Variants in PDZRN4 observed in about 807,000 individuals in gnomAD.
The protein encoded by PDZRN4 is PDZ domain-containing RING finger protein 4.
A neutral mutation model predicts 99.0 loss-of-function variants in PDZRN4; 70 were observed. The observed-to-expected ratio is 0.71, with a 90% CI of 0.58 to 0.86. PDZRN4 has a LOEUF of 0.86. Among genes scored for constraint, PDZRN4 ranks in the 40% least tolerant of loss-of-function variants. The pLI, the probability that PDZRN4 is intolerant of heterozygous loss-of-function variation, is 0.00. For synonymous variants in PDZRN4, 551 were observed against 501.6 expected, an observed-to-expected ratio of 1.10 and a Z score of -1.32; for missense variants, 1,474 against 1,331.2, an observed-to-expected ratio of 1.11 and a Z score of -1.67.
chr12:41,410,913 C>T (rs577736014), intron 3 of PDZRN4, among the ~76,000 whole-genome samples: 2 of 152,038 alleles, frequency 1.3e-5, no homozygotes, highest in Non-Finnish European at 2.9e-5. Context: ...TTTACTGTGT[C>T]ACTCAGGCTG....
chr12:41,302,092 G>A (rs1376557507), intron 3 of PDZRN4, among the ~76,000 whole-genome samples: 1 of 151,880 alleles, frequency 6.6e-6, no homozygotes, highest in African/African-American at 2.4e-5. Flanking sequence ...GTGTGTATAT[G>A]TGTCTGATTA....
intron 3 of PDZRN4, among the ~76,000 whole-genome samples, chr12:41,337,930 G>A (rs1268207851): frequency 1.3e-5 from 2 of 151,522 alleles, no homozygotes; most frequent in African/African-American, 4.8e-5. Context: ...TCTTTTTTTT[G>A]TTTTTGTTTT....
chr12:41,213,386 C>T (rs918962282), intron 3 of PDZRN4, among the ~76,000 whole-genome samples: 1 of 152,010 alleles, frequency 6.6e-6, no homozygotes, highest in Admixed American at 6.6e-5. Flanking sequence ...CGAACAGACT[C>T]TGGGAAGTCG....
chr12:41,243,505 A>G (rs1428808665), intron 3 of PDZRN4, among the ~76,000 whole-genome samples: 2 of 152,238 alleles, frequency 1.3e-5, no homozygotes, highest in Non-Finnish European at 2.9e-5. Flanking sequence ...AGAAGTTATT[A>G]TTCATGCAAG....
chr12:41,273,232 T>G (rs542994943), intron 3 of PDZRN4, among the ~76,000 whole-genome samples: 6 of 152,074 alleles, frequency 3.9e-5, no homozygotes, highest in Admixed American at 1.3e-4. Flanking sequence ...TCTTCCAAAG[T>G]GTTCCTAAAG....
chr12:41,563,729 T>TA, intron 8 of PDZRN4, 80 bp downstream of exon 8: 38 of 908,904 alleles, frequency 4.2e-5, no homozygotes, highest in Non-Finnish European at 6.1e-5. Context: ...GAATGAATTA[T>TA]ATTCATTATC....
intron 3 of PDZRN4, among the ~76,000 whole-genome samples, chr12:41,197,225 A>C (rs1407396408): frequency 1.3e-5 from 2 of 152,090 alleles, no homozygotes; most frequent in Admixed American, 1.3e-4. Flanking sequence ...GACATGTTAA[A>C]GGTTTTGTTC....
rs116826649 is a variant in PDZRN4, at chr12:41,409,758, G to T, written c.844-96698G>T. 1.5e-3 allele frequency: 222 copies of T among 152,262 alleles called. 1 individual carries two copies. The highest frequency in any genetic ancestry group is 4.3e-3 in the African/African-American group (177 of 41,560). The allele number at this position is 152,262 out of a possible 1,614,324, so 9.4% of individuals were successfully genotyped here. On this transcript the variant is annotated intron_variant, in intron 3 of 9. Transcript: ENST00000402685. ...AGAAATTCACCTCATCGCTTTGAAG[G>T]TCAGCCAACTGAAATCAATGTGTCA... is the stretch of plus-strand genomic sequence containing the variant.
At chr12:41,361,891 A>G (rs1163345195) in intron 3 of PDZRN4, among the ~76,000 whole-genome samples, 1 of 151,984 alleles carries the variant, frequency 6.6e-6, no homozygotes, top group Non-Finnish European at 1.5e-5. Flanking sequence ...CTCACAGATG[A>G]TGTAGATTTT....
chr12:41,276,012 T>A (rs1951347851), intron 3 of PDZRN4, among the ~76,000 whole-genome samples: 2 of 152,112 alleles, frequency 1.3e-5, no homozygotes, highest in Admixed American at 1.3e-4. Context: ...TGCTTTTCTA[T>A]CTTGGTAGAT....
chr12:41,570,479 T>C (rs929747420), intron 9 of PDZRN4, among the ~76,000 whole-genome samples: 2 of 152,226 alleles, frequency 1.3e-5, no homozygotes, highest in Non-Finnish European at 1.5e-5. Context: ...ACCTACTTTA[T>C]GGAAAGTTTC....
At chr12:41,455,862 C>T (rs1251630180) in intron 3 of PDZRN4, among the ~76,000 whole-genome samples, 1 of 152,082 alleles carries the variant, frequency 6.6e-6, no homozygotes, top group African/African-American at 2.4e-5. Context: ...TATTACAGGC[C>T]ATTCTCTCAC....
At chr12:41,483,187 T>A (rs934119278) in intron 3 of PDZRN4, among the ~76,000 whole-genome samples, 1 of 152,082 alleles carries the variant, frequency 6.6e-6, no homozygotes. Flanking sequence ...AGATAGTAGG[T>A]GACCTCCACA....
chr12:41,563,643 G>A lies in PDZRN4; in HGVS notation c.1461G>A (p.Glu487=), dbSNP rs1482468390. Residue 487 remains glutamate, a synonymous_variant, in exon 8 of 10, where the codon GAG becomes GAA. Coordinates refer to ENST00000402685, the MANE Select transcript of PDZRN4 (RefSeq NM_001164595.2). ...TCGTGCTGCTTGTTGCAAGGCCAGA[G>A]ATTCAGGTCAGAACAGAGATCAAAA... ...KRIVLLVARP[E]IQLDEGWLED... 10 of 1,610,734 alleles carry A rather than the reference G, an allele frequency of 6.2e-6. No individual in the cohort carries two copies. The highest frequency in any genetic ancestry group is 1.3e-5 in the African/African-American group (1 of 74,934).
chr12:41,542,984 C>A (rs771196164), intron 5 of PDZRN4, among the ~76,000 whole-genome samples: 1 of 151,852 alleles, frequency 6.6e-6, no homozygotes, highest in Non-Finnish European at 1.5e-5. Context: ...TGCATATTGG[C>A]CTCCCTCTCC....
At chr12:41,378,421 G>A (rs1429711980) in intron 3 of PDZRN4, among the ~76,000 whole-genome samples, 4 of 151,610 alleles carry the variant, frequency 2.6e-5, no homozygotes, top group African/African-American at 9.7e-5. Context: ...AGAGATATTG[G>A]CTGGTAATTT....
chr12:41,518,877 G>T (rs1938447453), intron 5 of PDZRN4, among the ~76,000 whole-genome samples: 1 of 151,978 alleles, frequency 6.6e-6, no homozygotes, highest in Admixed American at 6.6e-5. Flanking sequence ...GATCCCAGGA[G>T]TTAGAGGCTG....
chr12:41,459,278 G>A (rs539613990), intron 3 of PDZRN4, among the ~76,000 whole-genome samples: 2 of 152,268 alleles, frequency 1.3e-5, no homozygotes, highest in African/African-American at 4.8e-5. Context: ...ATTTAAGGAA[G>A]TGCTAGAAGA....
chr12:41,443,554 G>T (rs1263829288), intron 3 of PDZRN4, among the ~76,000 whole-genome samples: 6 of 152,048 alleles, frequency 3.9e-5, no homozygotes, highest in Admixed American at 3.3e-4. Context: ...TGTAGATTTG[G>T]TTATGGTGTG....
Sources: allele counts gnomAD v4.1 joint callset (sites outside exome capture counted in the v4.1 genomes callset), GRCh38; gene constraint gnomAD v4.1.1; transcripts MANE v1.5; gene names NCBI Gene and HGNC (gene_info 2026-07-23, HGNC 2026-07-21).